CLIP2: variants seen among roughly 807,000 people sequenced by gnomAD.
CLIP2 encodes CAP-Gly domain-containing linker protein 2.
In CLIP2, 41 loss-of-function variants were observed where a neutral mutation model predicts 111.7. The observed-to-expected ratio is 0.37, with a 90% CI of 0.29 to 0.48. The LOEUF is 0.48. CLIP2 is among the 20% of genes least tolerant of loss of function. CLIP2 has a pLI of 0.99. For missense variants in CLIP2, 1,160 were observed against 1,422.1 expected, an observed-to-expected ratio of 0.82 and a Z score of 2.96; for synonymous variants, 660 against 644.2, an observed-to-expected ratio of 1.02 and a Z score of -0.37.
At chr7:74,315,187 A>G (rs951235238) in intron 1 of CLIP2, among the ~76,000 whole-genome samples, 1 of 152,084 alleles carries the variant, frequency 6.6e-6, no homozygotes, top group Non-Finnish European at 1.5e-5. Flanking sequence ...GAGGCAGGAG[A>G]ATGGCTTGAA....
At chr7:74,302,240 G>A (rs782645774) in intron 1 of CLIP2, among the ~76,000 whole-genome samples, 34 of 151,778 alleles carry the variant, frequency 2.2e-4, no homozygotes, top group Admixed American at 8.6e-4. Flanking sequence ...TTTTGAAATA[G>A]AGTCTTACTC....
At position 74,356,514 on chromosome 7, in the gene CLIP2, G is replaced by A. The variant is rs371310682; in HGVS notation, c.908G>A (p.Arg303His). The A allele has an allele frequency of 1.1e-5, 18 of 1,614,080 alleles. No homozygotes were observed. The highest frequency in any genetic ancestry group is 1.1e-4 in the African/African-American group (8 of 74,918). Residue 303 changes from arginine (R) to histidine (H), a missense_variant, in exon 5 of 17, where the codon CGT becomes CAT. By Grantham distance (29) the Arg-to-His change is conservative. Around this residue, in one of 5 missense-constraint regions of CLIP2, gnomAD observed 110 missense variants for 185.2 expected, o/e 0.59. Transcript: ENST00000223398. ...CCAGCCAAGGCCAAGAAGACCAAGC[G>A]TATGGCCATGGGTGTGTCAGCACTG... The part of the protein sequence containing the change: ...TSPAKAKKTK[R>H]MAMGVSALTH...
At chr7:74,357,256 G>A (rs1554308635) in intron 5 of CLIP2, 24 bp from the exon 6 acceptor site, 6 of 1,610,064 alleles carry the variant, frequency 3.7e-6, no homozygotes, top group East Asian at 2.2e-5. Context: ...CCTGAGACCC[G>A]CCTGCATCCA....
intron 11 of CLIP2, 43 bp downstream of exon 11, chr7:74,380,906 G>A (rs1242491984): frequency 3.8e-6 from 6 of 1,596,302 alleles, no homozygotes; most frequent in Non-Finnish European, 5.2e-6. Context: ...GCTCTGGGAA[G>A]AGGCTGGCTG....
chr7:74,303,390 G>C (rs782531793), intron 1 of CLIP2, among the ~76,000 whole-genome samples: 1 of 152,134 alleles, frequency 6.6e-6, no homozygotes, highest in Non-Finnish European at 1.5e-5. Context: ...GATTGGGGTG[G>C]GACTGGCATT....
intron 14 of CLIP2, among the ~76,000 whole-genome samples, chr7:74,400,019 G>A (rs1791575116): frequency 6.6e-6 from 1 of 151,690 alleles, no homozygotes; most frequent in South Asian, 2.1e-4. Flanking sequence ...GCGGGGCGTG[G>A]TGGTGGGCCC....
chr7:74,399,618 C>A (rs1209104099), intron 14 of CLIP2, among the ~76,000 whole-genome samples: 1 of 150,892 alleles, frequency 6.6e-6, no homozygotes, highest in African/African-American at 2.4e-5. Flanking sequence ...TGGCTCACTG[C>A]AACCTCCACC....
At chr7:74,323,214 G>A (rs1456259711) in intron 2 of CLIP2, among the ~76,000 whole-genome samples, 4 of 149,712 alleles carry the variant, frequency 2.7e-5, no homozygotes, top group African/African-American at 4.9e-5. Flanking sequence ...GGGCTCATGC[G>A]ATCCTCTTGC....
At chr7:74,366,014 C>T (rs1554310792) in intron 8 of CLIP2, among the ~76,000 whole-genome samples, 1 of 152,022 alleles carries the variant, frequency 6.6e-6, no homozygotes, top group African/African-American at 2.4e-5. Context: ...CTCCTAGGTT[C>T]AAGCAATCCT....
rs1791479996 is a variant in CLIP2 at position 74,397,236 on chromosome 7, A to G, written c.2880+3A>G. 6.4e-7 allele frequency: 1 copy of G among 1,569,732 alleles called. No homozygotes were observed. The highest frequency in any genetic ancestry group is 8.7e-7 in the Non-Finnish European group (1 of 1,152,338). ...TGCGTGAAAAGCTGACCGGGCTGGT[A>G]TGTGGGGTAGGGGTGGCCTAGGGGC... On this transcript the variant is annotated splice_donor_region_variant and intron_variant, in intron 14 of 16. Transcript: ENST00000223398.
At chr7:74,352,347 G>C (rs1407898451) in intron 3 of CLIP2, among the ~76,000 whole-genome samples, 4 of 152,044 alleles carry the variant, frequency 2.6e-5, no homozygotes, top group Admixed American at 6.6e-5. Flanking sequence ...TGAGGCAGGA[G>C]AATCACTTGA....
At chr7:74,334,068 C>T (rs1789377666) in intron 2 of CLIP2, among the ~76,000 whole-genome samples, 1 of 152,130 alleles carries the variant, frequency 6.6e-6, no homozygotes, top group South Asian at 2.1e-4. Flanking sequence ...CTGACCTAGT[C>T]CTTTGTTATG....
At chr7:74,336,870 T>TG (rs1357805812) in intron 2 of CLIP2, among the ~76,000 whole-genome samples, 1,255 of 24,014 alleles carry the variant, frequency 0.052, 25 homozygotes, top group African/African-American at 0.081. Context: ...GTTTTTTTTT[T>TG]TTTTGTTTTT....
chr7:74,383,871 C>T (rs1163113160), intron 11 of CLIP2, among the ~76,000 whole-genome samples: 4 of 152,136 alleles, frequency 2.6e-5, no homozygotes, highest in Admixed American at 2.0e-4. Context: ...AAAAGGAGAA[C>T]CCATACCCAC....
chr7:74,368,675 C>T (rs1397077698), intron 8 of CLIP2, among the ~76,000 whole-genome samples: 8 of 152,150 alleles, frequency 5.3e-5, no homozygotes, highest in African/African-American at 1.7e-4. Flanking sequence ...CCCTCTCCTT[C>T]GTCTTCTGTT....
rs564653684 is a variant in CLIP2 at position 74,402,562 on chromosome 7, C to T, written c.3129+995C>T. ...TAAAAATTAGCTAGGTGTGGTGGCG[C>T]ATGCCTGTAGCCTCAGCTACTCAGG... On this transcript the variant is annotated intron_variant, in intron 16 of 16. Transcript: ENST00000223398. 1.4e-3 allele frequency among the ~76,000 whole-genome samples: 216 copies of T among 152,230 alleles called. 1 individual carries two copies. The highest frequency in any genetic ancestry group is 2.8e-3 in the Non-Finnish European group (193 of 68,026).
chr7:74,330,397 C>T (rs1789247171), intron 2 of CLIP2, among the ~76,000 whole-genome samples: 1 of 151,822 alleles, frequency 6.6e-6, no homozygotes, highest in Admixed American at 6.6e-5. Context: ...GCTGGGATTA[C>T]AGGTATGCGC....
At chr7:74,377,783 C>T (rs1349239104) in intron 10 of CLIP2, among the ~76,000 whole-genome samples, 1 of 151,986 alleles carries the variant, frequency 6.6e-6, no homozygotes, top group Non-Finnish European at 1.5e-5. Flanking sequence ...TGCCTGTATA[C>T]AAATTGTACT....
intron 14 of CLIP2, among the ~76,000 whole-genome samples, chr7:74,397,607 G>A: frequency 6.6e-6 from 1 of 151,694 alleles, no homozygotes. Context: ...TCTCAGGAAG[G>A]AGACAAGAAC....
Sources: allele counts gnomAD v4.1 joint callset (sites outside exome capture counted in the v4.1 genomes callset), GRCh38; gene constraint gnomAD v4.1.1; regional missense constraint gnomAD v4.1.1; transcripts MANE v1.5; gene names NCBI Gene and HGNC (gene_info 2026-07-23, HGNC 2026-07-21).